GPRC5D: variants seen among roughly 807,000 people sequenced by gnomAD.
GPRC5D encodes G protein-coupled receptor class C group 5 member D.
GPRC5D carries 20 observed loss-of-function variants against 29.3 expected under a neutral mutation model. The ratio of observed to expected loss-of-function variants is 0.68; its 90% CI spans 0.48 to 0.99. The LOEUF (loss-of-function observed/expected upper bound fraction) is 0.99. Among genes scored for constraint, GPRC5D ranks in the 50% least tolerant of loss-of-function variants. The pLI is 0.00. For synonymous variants in GPRC5D, 178 were observed against 171.3 expected, an observed-to-expected ratio of 1.04 and a Z score of -0.30; for missense variants, 384 against 423.6, an observed-to-expected ratio of 0.91 and a Z score of 0.82.
At chr12:12,943,892 C>G (rs1243440071) in intron 1 of GPRC5D, among the ~76,000 whole-genome samples, 2 of 152,132 alleles carry the variant, frequency 1.3e-5, no homozygotes, top group East Asian at 3.9e-4. Flanking sequence ...AAACCTGCAC[C>G]ACTGTGTGAT....
chr12:12,948,909 G>A (rs890285628), intron 1 of GPRC5D, among the ~76,000 whole-genome samples: 6 of 152,096 alleles, frequency 3.9e-5, no homozygotes, highest in Admixed American at 3.3e-4. Flanking sequence ...TCTTCCTCTC[G>A]CTTTTTGTAA....
chr12:12,949,622 G>T, exon 1 of GPRC5D: 1 of 1,614,188 alleles, frequency 6.2e-7, no homozygotes, highest in African/African-American at 1.3e-5. Context: ...ATGTACAGCA[G>T]CAGGAAAACC....
At chr12:12,949,641 G>T (rs1408100560) in exon 1 of GPRC5D, 6 of 1,614,162 alleles carry the variant, frequency 3.7e-6, no homozygotes. Context: ...CCCATGCGTT[G>T]GTGACCAGAG....
chr12:12,950,534 C>T (rs1015534705), upstream of GPRC5D: 4 of 623,968 alleles, frequency 6.4e-6, no homozygotes, highest in Non-Finnish European at 1.1e-5. Context: ...AGGCTGGGTG[C>T]GGTGGCTCAC....
At chr12:12,940,782 C>T (rs1017358508) in exon 3 of GPRC5D, 1 of 1,592,908 alleles carries the variant, frequency 6.3e-7, no homozygotes, top group African/African-American at 1.3e-5. Context: ...GATTTATACT[C>T]CTCCTGCATC....
intron 1 of GPRC5D, among the ~76,000 whole-genome samples, chr12:12,945,925 GC>G (rs1172734485): frequency 6.6e-6 from 1 of 152,162 alleles, no homozygotes; most frequent in Non-Finnish European, 1.5e-5. Flanking sequence ...ATAACACAGA[GC>G]AAATAATATT....
chr12:12,946,603 C>T (rs1181360854), intron 1 of GPRC5D, among the ~76,000 whole-genome samples: 2 of 151,682 alleles, frequency 1.3e-5, no homozygotes, highest in African/African-American at 4.8e-5. Context: ...TACAGGCATG[C>T]GTCACCATGC....
downstream of GPRC5D, among the ~76,000 whole-genome samples, chr12:12,940,581 G>A (rs1436955011): frequency 1.3e-5 from 2 of 152,172 alleles, no homozygotes; most frequent in African/African-American, 4.8e-5. Context: ...AGGTAGGGTG[G>A]CCAGCAAGAT....
chr12:12,949,730 C>T (rs1275947845), exon 1 of GPRC5D: 9 of 1,614,186 alleles, frequency 5.6e-6, no homozygotes, highest in Non-Finnish European at 7.6e-6. Context: ...GAGATCCACA[C>T]CACCCAGATG....
At chr12:12,940,719 GGCTAT>G, downstream of GPRC5D, 1 of 1,032,948 alleles carries the variant, frequency 9.7e-7, no homozygotes, top group Non-Finnish European at 1.5e-6. Context: ...GGGCTATCAG[GGCTAT>G]GCTACCCAGG....
chr12:12,944,833 CCTTCCTTCCTTCCTTCCT>C lies in GPRC5D; in HGVS notation c.896-2523_896-2506del, dbSNP rs1565477242. Reference sequence around the variant, plus strand: ...TCCTTCCTTCCTTCCTTCCTTCCTTCCTTCCTTCCTTCCTTCCTTCTTTCTTTCTTTCTTTCTTTCTTT... The same window carrying C: ...TCCTTCCTTCCTTCCTTCCTTCCTTCTCTTTCTTTCTTTCTTTCTTTCTTT... On this transcript the variant is annotated intron_variant, in intron 1 of 2. Coordinates refer to ENST00000228887, the Ensembl canonical transcript of GPRC5D. 5.9e-3 allele frequency among the ~76,000 whole-genome samples: 84 copies of C among 14,324 alleles called. 8 individuals carry two copies. Among genetic ancestry groups the C allele is most frequent in the Middle Eastern group, 0.036 (1 of 28 alleles). 9.4% of individuals were successfully genotyped at this position (14,324 alleles called of 152,430 possible). A position where few individuals can be genotyped will look rare whatever the true frequency, so the allele number is the denominator to read the frequency against.
rs548127827 is a variant in GPRC5D at position 12,944,740 on chromosome 12, TCTTC to T, written c.896-2416_896-2413del. On this transcript the variant is annotated intron_variant, in intron 1 of 2. Transcript: ENST00000228887. Reference sequence around the variant, plus strand: ...AATGCCTACAGTACTGTGACACCTTTCTTCCTTCCTTCCTTCCTTTCTTCCTTCC... The same window carrying T: ...AATGCCTACAGTACTGTGACACCTTTCTTCCTTCCTTCCTTTCTTCCTTCC... 1.4e-4 allele frequency among the ~76,000 whole-genome samples: 17 copies of T among 124,440 alleles called. 2 individuals are homozygous for T. Among genetic ancestry groups the T allele is most frequent in the African/African-American group, 3.8e-4 (14 of 37,194 alleles). 81.6% of individuals were successfully genotyped at this position (124,440 alleles called of 152,430 possible).
At chr12:12,942,452 A>T (rs1863177633) in intron 1 of GPRC5D, 124 bp from the exon 3 acceptor site, 1 of 677,822 alleles carries the variant, frequency 1.5e-6, no homozygotes, top group Admixed American at 2.4e-5. Flanking sequence ...AGGAATTCTG[A>T]GGCTGGGCAC....
intron 2 of GPRC5D, among the ~76,000 whole-genome samples, chr12:12,941,139 G>A (rs538832881): frequency 1.3e-5 from 2 of 152,154 alleles, no homozygotes; most frequent in Non-Finnish European, 2.9e-5. Flanking sequence ...TTGAACACCT[G>A]ACCTCAAGTG....
chr12:12,944,830 C>CTTTCTTTCTTT (rs1207377523), intron 1 of GPRC5D, among the ~76,000 whole-genome samples: 1 of 20,220 alleles, frequency 4.9e-5, no homozygotes, highest in African/African-American at 1.0e-4. Flanking sequence ...TCCTTCCTTC[C>CTTTCTTTCTTT]TTCCTTCCTT....
chr12:12,949,815 G>A (rs967744900), exon 1 of GPRC5D: 4 of 1,614,028 alleles, frequency 2.5e-6, no homozygotes, highest in Non-Finnish European at 3.4e-6. Flanking sequence ...CACAGAAGGT[G>A]GCTTTGGAGA....
rs1565477267 is a variant in GPRC5D, at chr12:12,944,835, TTCCTTCCTTCC to T, written c.896-2518_896-2508del. ...CTTCCTTCCTTCCTTCCTTCCTTCC[TTCCTTCCTTCC>T]TTCCTTCTTTCTTTCTTTCTTTCTT... On this transcript the variant is annotated intron_variant, in intron 1 of 2. Coordinates refer to ENST00000228887, the Ensembl canonical transcript of GPRC5D. Among the ~76,000 whole-genome samples the T allele has an allele frequency of 1.9e-3, 29 of 14,974 alleles. 3 individuals carry two copies. The highest frequency in any genetic ancestry group is 4.5e-3 in the East Asian group (2 of 446). The allele number at this position is 14,974 out of a possible 152,430, so 9.8% of individuals were successfully genotyped here.
chr12:12,951,127 A>G (rs968460895), upstream of GPRC5D, among the ~76,000 whole-genome samples: 1 of 152,174 alleles, frequency 6.6e-6, no homozygotes, highest in Admixed American at 6.5e-5. Context: ...AAACCGAAAA[A>G]CAAAAAACAC....
intron 2 of GPRC5D, 82 bp from the exon 4 acceptor site, chr12:12,940,931 A>T: frequency 1.1e-6 from 1 of 945,450 alleles, no homozygotes; most frequent in Non-Finnish European, 1.7e-6. Context: ...TTGTTTTTTG[A>T]GACAGAGTCT....
Sources: gnomAD v4.1 joint callset for allele counts (sites outside exome capture counted in the v4.1 genomes callset) on GRCh38, gnomAD v4.1.1 for gene constraint, MANE v1.5 for transcripts, NCBI Gene and HGNC (gene_info 2026-07-23, HGNC 2026-07-21) for gene names.